The following KCNJ12 variants were observed in gnomAD, a reference collection of about 807,000 sequenced individuals.
The protein encoded by KCNJ12 is ATP-sensitive inward rectifier potassium channel 12.
A neutral mutation model predicts 22.3 loss-of-function variants in KCNJ12; 2 were observed. The observed-to-expected ratio is 0.09, with a 90% CI of 0.04 to 0.28. The LOEUF (loss-of-function observed/expected upper bound fraction) is 0.28. KCNJ12 is among the 10% of genes least tolerant of loss of function. KCNJ12 has a pLI of 1.00. For missense variants in KCNJ12, 155 were observed against 633.3 expected, an observed-to-expected ratio of 0.24 and a Z score of 8.11; for synonymous variants, 117 against 261.4, an observed-to-expected ratio of 0.45 and a Z score of 5.33.
At chr17:21,414,855 G>A (rs1906600208) in intron 2 of KCNJ12, among the ~76,000 whole-genome samples, 1 of 152,312 alleles carries the variant, frequency 6.6e-6, no homozygotes, top group Admixed American at 6.5e-5. Context: ...GGGGGCCTCT[G>A]GCATTGAGCA....
At chr17:21,413,238 A>G (rs1219362829) in intron 2 of KCNJ12, among the ~76,000 whole-genome samples, 1 of 112,446 alleles carries the variant, frequency 8.9e-6, no homozygotes, top group African/African-American at 2.6e-5. Context: ...CCTCCTGCCT[A>G]TGGGACTGGG....
At chr17:21,390,425 C>A (rs1555559170) in intron 1 of KCNJ12, among the ~76,000 whole-genome samples, 1 of 152,232 alleles carries the variant, frequency 6.6e-6, no homozygotes, top group African/African-American at 2.4e-5. Context: ...ACCATAGACT[C>A]CATGGGAGAG....
intron 1 of KCNJ12, among the ~76,000 whole-genome samples, chr17:21,386,167 G>A (rs1555558609): frequency 6.6e-6 from 1 of 152,254 alleles, no homozygotes; most frequent in African/African-American, 2.4e-5. Context: ...TGAAACCGGT[G>A]TCTGCAGGGC....
chr17:21,401,002 A>G (rs1905589672), intron 1 of KCNJ12, among the ~76,000 whole-genome samples: 1 of 152,310 alleles, frequency 6.6e-6, no homozygotes, highest in Non-Finnish European at 1.5e-5. Flanking sequence ...TGTCCAGCAT[A>G]CATTTCACAG....
intron 1 of KCNJ12, among the ~76,000 whole-genome samples, chr17:21,382,912 G>A (rs748545932): frequency 6.6e-6 from 1 of 152,206 alleles, no homozygotes; most frequent in Non-Finnish European, 1.5e-5. Flanking sequence ...AGGAGGGTGC[G>A]ACGTGACACC....
chr17:21,402,058 G>C (rs1322904760), intron 1 of KCNJ12, among the ~76,000 whole-genome samples: 1 of 152,270 alleles, frequency 6.6e-6, no homozygotes, highest in Non-Finnish European at 1.5e-5. Context: ...GCGCGTCCTC[G>C]GCCAAGTCCC....
intron 1 of KCNJ12, among the ~76,000 whole-genome samples, chr17:21,393,014 C>G (rs149983090): frequency 6.6e-6 from 1 of 152,142 alleles, no homozygotes; most frequent in Non-Finnish European, 1.5e-5. Context: ...CCCTTCTTTC[C>G]GAGTCCCCTA....
At chr17:21,380,329 C>A (rs1904822887) in intron 1 of KCNJ12, among the ~76,000 whole-genome samples, 1 of 152,142 alleles carries the variant, frequency 6.6e-6, no homozygotes, top group South Asian at 2.1e-4. Context: ...GACCCCAGGC[C>A]CTGTTGCCTA....
At chr17:21,411,137 C>T (rs1346044679) in intron 2 of KCNJ12, among the ~76,000 whole-genome samples, 2 of 152,306 alleles carry the variant, frequency 1.3e-5, no homozygotes, top group Non-Finnish European at 1.5e-5. Flanking sequence ...CTGAGCTCCT[C>T]CCGGATGTCA....
At position 21,384,009 on chromosome 17, in the gene KCNJ12, C is replaced by T. The variant is rs541653057; in HGVS notation, c.-179+7096C>T. ...ATTTCTCCTCCTCACCCCCTGCCTC[C>T]CCCACCCCCAGAGTTTCTTGTCCTT... On this transcript the variant is annotated intron_variant, in intron 1 of 2. Coordinates refer to ENST00000583088, the MANE Select transcript of KCNJ12 (RefSeq NM_021012.5). Among the ~76,000 whole-genome samples the T allele has an allele frequency of 1.2e-4, 19 of 152,206 alleles. No individual in the cohort carries two copies. In the South Asian group the frequency reaches 1.9e-3, roughly 15 times the overall value.
chr17:21,414,193 C>G (rs1440069034), intron 2 of KCNJ12, among the ~76,000 whole-genome samples: 7 of 152,278 alleles, frequency 4.6e-5, no homozygotes, highest in African/African-American at 2.4e-5. Flanking sequence ...CAACAAGAAG[C>G]AAAAGAGAAA....
At chr17:21,378,186 C>A (rs1308297429) in intron 1 of KCNJ12, among the ~76,000 whole-genome samples, 4 of 152,234 alleles carry the variant, frequency 2.6e-5, no homozygotes, top group African/African-American at 9.6e-5. Flanking sequence ...TGGACCCCAG[C>A]CTCCCTCGCG....
chr17:21,381,127 C>G (rs1208409635), intron 1 of KCNJ12, among the ~76,000 whole-genome samples: 1 of 152,206 alleles, frequency 6.6e-6, no homozygotes, highest in Non-Finnish European at 1.5e-5. Flanking sequence ...TGCATTAATG[C>G]TGTCCTAGGG....
chr17:21,408,763 A>G (rs1906134932), intron 2 of KCNJ12, 123 bp downstream of exon 2: 3 of 149,132 alleles, frequency 2.0e-5, no homozygotes, highest in Non-Finnish European at 4.4e-5. Context: ...TCCCCCACCC[A>G]TTTATCTGCT....
intron 1 of KCNJ12, among the ~76,000 whole-genome samples, chr17:21,390,254 C>T (rs572531268): frequency 3.3e-5 from 5 of 152,256 alleles, no homozygotes; most frequent in Admixed American, 6.5e-5. Flanking sequence ...AAGGCTCCCT[C>T]CCTCCGCTGG....
chr17:21,409,284 GT>G (rs1906175980), intron 2 of KCNJ12, among the ~76,000 whole-genome samples: 1 of 152,312 alleles, frequency 6.6e-6, no homozygotes, highest in Admixed American at 6.5e-5. Flanking sequence ...GCTCAGTATT[GT>G]GGGGCAGAAG....
chr17:21,384,640 T>G (rs1391833152), intron 1 of KCNJ12, among the ~76,000 whole-genome samples: 5 of 152,164 alleles, frequency 3.3e-5, no homozygotes, highest in Admixed American at 2.0e-4. Context: ...CCTTCTTCCT[T>G]TAGCCTCTCT....
chr17:21,402,735 C>A (rs1448538570), intron 1 of KCNJ12, among the ~76,000 whole-genome samples: 1 of 152,310 alleles, frequency 6.6e-6, no homozygotes, highest in East Asian at 1.9e-4. Flanking sequence ...CTACAGAGAG[C>A]AGACAGGTTA....
intron 1 of KCNJ12, among the ~76,000 whole-genome samples, chr17:21,394,277 C>T (rs1226361117): frequency 9.2e-5 from 14 of 152,168 alleles, no homozygotes; most frequent in African/African-American, 3.1e-4. Context: ...TGTATAGATA[C>T]ACAAATGCTT....
Sources: gnomAD v4.1 joint callset for allele counts (sites outside exome capture counted in the v4.1 genomes callset) on GRCh38, gnomAD v4.1.1 for gene constraint, MANE v1.5 for transcripts, NCBI Gene and HGNC (gene_info 2026-07-23, HGNC 2026-07-21) for gene names.